Variants in PNLIP observed in about 807,000 individuals in gnomAD.
PNLIP encodes pancreatic lipase.
A neutral mutation model predicts 57.1 loss-of-function variants in PNLIP; 49 were observed. The ratio of observed to expected loss-of-function variants is 0.86; its 90% confidence interval spans 0.68 to 1.09. The LOEUF is 1.09. Ranked by LOEUF, PNLIP falls within the 50% of genes least tolerant of loss-of-function variation. PNLIP has a pLI of 0.00. For synonymous variants in PNLIP, 209 were observed against 200.4 expected (o/e 1.04, Z -0.36); for missense variants, 503 against 570.2 (o/e 0.88, Z 1.20).
intron 12 of PNLIP, among the ~76,000 whole-genome samples, chr10:116,563,769 A>G (rs188041334): frequency 2.4e-4 from 36 of 152,288 alleles, no homozygotes; most frequent in African/African-American, 7.9e-4. Context: ...AATGTCACAA[A>G]CAAAAAATGC....
chr10:116,561,011 G>A (rs924797650), intron 11 of PNLIP, among the ~76,000 whole-genome samples: 13 of 152,126 alleles, frequency 8.5e-5, no homozygotes, highest in Admixed American at 6.6e-4. Flanking sequence ...TCATCCTTAC[G>A]CCTTAGTACC....
chr10:116,551,179 C>G lies in PNLIP; in HGVS notation c.406C>G (p.Gln136Glu). 6.2e-7 allele frequency: 1 copy of G among 1,611,896 alleles called. No individual in the cohort carries two copies. Among genetic ancestry groups the G allele is most frequent in the Non-Finnish European group, 8.5e-7 (1 of 1,179,212 alleles). The change falls in exon 5 of 13, where the codon CAG becomes GAG. Residue 136 changes from glutamine to glutamate, a missense_variant. Transcript: ENST00000369221. ...GSRTGYTQAS[Q>E]NIRIVGAEVA... ...CCGAACTGGATACACACAAGCCTCGCAGAACATCAGGATCGTGGGAGCAGA... is the reference window on the plus strand; with the variant it reads ...CCGAACTGGATACACACAAGCCTCGGAGAACATCAGGATCGTGGGAGCAGA...
chr10:116,552,047 C>G (rs1198079286), intron 5 of PNLIP, among the ~76,000 whole-genome samples: 1 of 152,104 alleles, frequency 6.6e-6, no homozygotes, highest in East Asian at 1.9e-4. Flanking sequence ...TATCATGATA[C>G]CACAGCACAA....
chr10:116,546,062 CA>C (rs1371787636), intron 1 of PNLIP, 30 bp from the exon 2 acceptor site: 2 of 1,608,866 alleles, frequency 1.2e-6, no homozygotes, highest in Non-Finnish European at 1.7e-6. Context: ...AAAACTTAGC[CA>C]GACTCAATCA....
At chr10:116,553,907 G>A in intron 6 of PNLIP, 69 bp downstream of exon 6, 1 of 819,846 alleles carries the variant, frequency 1.2e-6, no homozygotes, top group Non-Finnish European at 2.0e-6. Flanking sequence ...AGCAGTTTGA[G>A]GCCAATCTGG....
chr10:116,556,388 A>C (rs1847254703), intron 9 of PNLIP, among the ~76,000 whole-genome samples: 1 of 152,236 alleles, frequency 6.6e-6, no homozygotes, highest in Non-Finnish European at 1.5e-5. Flanking sequence ...CTAAACAGAC[A>C]AAAAATAATT....
rs1847385724 is a variant in PNLIP at position 116,567,750 on chromosome 10, T to C, written c.1350T>C (p.Ser450=). ...TTCTCCACAGGTTCAACTTCTGTAG[T>C]CCAGAAACCGTCAGGGAGGAAGTTC... ...TNVGKQFNFC[S]PETVREEVLL... Residue 450 remains serine, a synonymous_variant, in exon 13 of 13, where the codon AGT becomes AGC. Coordinates refer to ENST00000369221, the MANE Select transcript of PNLIP (RefSeq NM_000936.4). 6.2e-7 allele frequency: 1 copy of C among 1,613,874 alleles called. No individual in the cohort carries two copies. Among genetic ancestry groups the C allele is most frequent in the Non-Finnish European group, 8.5e-7 (1 of 1,179,846 alleles).
At position 116,560,476 on chromosome 10, in the gene PNLIP, T is replaced by G; in HGVS notation, c.1121T>G (p.Val374Gly). Residue 374 changes from valine to glycine, a missense_variant, in exon 11 of 13, where the codon GTT becomes GGT. Val to Gly is a moderately radical substitution (Grantham distance 109). Coordinates refer to ENST00000369221, the MANE Select transcript of PNLIP (RefSeq NM_000936.4). Reference sequence around the variant, plus strand: ...AAAAAGGTTACAGGACACATACTAGTTTCTTTGTTCGGAAATAAAGGAAAC... The same window carrying G: ...AAAAAGGTTACAGGACACATACTAGGTTCTTTGTTCGGAAATAAAGGAAAC... Reference protein sequence around the residue: ...SGKKVTGHILVSLFGNKGNSK... With the variant: ...SGKKVTGHILGSLFGNKGNSK... 4 of 1,608,962 alleles carry G rather than the reference T, an allele frequency of 2.5e-6. No homozygotes were observed. Among genetic ancestry groups the G allele is most frequent in the Non-Finnish European group, 3.4e-6 (4 of 1,176,210 alleles).
intron 5 of PNLIP, among the ~76,000 whole-genome samples, chr10:116,553,162 A>G (rs1847213164): frequency 6.6e-6 from 1 of 152,072 alleles, no homozygotes; most frequent in African/African-American, 2.4e-5. Flanking sequence ...CTAGAGCGCA[A>G]TGGCGCGATC....
intron 5 of PNLIP, among the ~76,000 whole-genome samples, chr10:116,553,240 G>A (rs901198298): frequency 5.9e-5 from 9 of 152,156 alleles, no homozygotes; most frequent in Non-Finnish European, 1.3e-4. Flanking sequence ...CAAGTAGTCA[G>A]GATTATAGGC....
intron 10 of PNLIP, 90 bp from the exon 11 acceptor site, chr10:116,560,326 T>A (rs552519124): frequency 1.6e-6 from 1 of 640,270 alleles, no homozygotes; most frequent in East Asian, 2.8e-5. Context: ...AATAAATTAT[T>A]CAAAACGTGG....
intron 10 of PNLIP, 113 bp from the exon 11 acceptor site, chr10:116,560,303 A>C (rs2133206653): frequency 1.6e-6 from 1 of 612,626 alleles, no homozygotes; most frequent in East Asian, 2.8e-5. Context: ...ACACACACAC[A>C]CACACAATTA....
chr10:116,565,850 C>T (rs1847361827), intron 12 of PNLIP, among the ~76,000 whole-genome samples: 1 of 152,166 alleles, frequency 6.6e-6, no homozygotes. Context: ...TGCTCTGTCA[C>T]CCAGGCTAGA....
chr10:116,552,372 G>A (rs959052216), intron 5 of PNLIP, among the ~76,000 whole-genome samples: 10 of 152,178 alleles, frequency 6.6e-5, no homozygotes, highest in Non-Finnish European at 1.3e-4. Context: ...GGAACAAGAT[G>A]TGGAAGTGGA....
intron 3 of PNLIP, among the ~76,000 whole-genome samples, 164 bp from the exon 4 acceptor site, chr10:116,548,196 G>A (rs554638415): frequency 6.6e-6 from 1 of 152,078 alleles, no homozygotes; most frequent in East Asian, 1.9e-4. Context: ...ACTGGGAAAT[G>A]GCAACATGAT....
chr10:116,559,054 A>G (rs983598802), intron 9 of PNLIP, 100 bp from the exon 10 acceptor site: 29 of 1,431,728 alleles, frequency 2.0e-5, no homozygotes, highest in Non-Finnish European at 2.7e-5. Flanking sequence ...ATCAGAACAG[A>G]ACTGGCTTTA....
At chr10:116,566,024 G>C (rs1847364239) in intron 12 of PNLIP, among the ~76,000 whole-genome samples, 1 of 152,194 alleles carries the variant, frequency 6.6e-6, no homozygotes, top group African/African-American at 2.4e-5. Flanking sequence ...GGCCAGGCTG[G>C]TCTCGAACCC....
At position 116,551,319 on chromosome 10, in the gene PNLIP, A is replaced by G. The variant is rs1478266470; in HGVS notation, c.459+87A>G. ...AAAAAAAAAAAAAGCCTGTAGATTTAATCATAGATAAAGACACTTCTCTAC... is the reference window on the plus strand; with the variant it reads ...AAAAAAAAAAAAAGCCTGTAGATTTGATCATAGATAAAGACACTTCTCTAC... On this transcript the variant is annotated intron_variant, in intron 5 of 12. Coordinates refer to ENST00000369221, the MANE Select transcript of PNLIP (RefSeq NM_000936.4). The G allele has an allele frequency of 3.0e-6, 3 of 994,332 alleles. No individual in the cohort carries two copies. In the East Asian group the frequency reaches 8.5e-5, roughly 28 times the overall value. 61.6% of individuals were successfully genotyped at this position (994,332 alleles called of 1,614,324 possible).
intron 10 of PNLIP, among the ~76,000 whole-genome samples, chr10:116,559,893 CA>C (rs1847294707): frequency 6.6e-6 from 1 of 152,114 alleles, no homozygotes. Flanking sequence ...TATTGGCTAG[CA>C]CCAAGAAAAC....
Sources: gnomAD v4.1 joint callset for allele counts (sites outside exome capture counted in the v4.1 genomes callset) on GRCh38, gnomAD v4.1.1 for gene constraint, MANE v1.5 for transcripts, NCBI Gene and HGNC (gene_info 2026-07-23, HGNC 2026-07-21) for gene names.